CC2D2A: variants seen among roughly 807,000 people sequenced by gnomAD.
The protein encoded by CC2D2A is coiled-coil and C2 domain containing 2A.
In CC2D2A, 155 loss-of-function variants were observed where a neutral mutation model predicts 212.9. That is an observed-to-expected ratio of 0.73 (90% CI 0.64 to 0.83). CC2D2A has a LOEUF of 0.83. Ranked by LOEUF, CC2D2A falls within the 40% of genes least tolerant of loss-of-function variation. CC2D2A has a pLI of 0.00. For synonymous variants in CC2D2A, 667 were observed against 686.5 expected (o/e 0.97, Z 0.44); for missense variants, 1,856 against 1,956.2 (o/e 0.95, Z 0.97).
intron 35 of CC2D2A, 59 bp from the exon 36 acceptor site, chr4:15,599,470 C>G: frequency 8.5e-7 from 1 of 1,170,552 alleles, no homozygotes; most frequent in East Asian, 2.6e-5. Flanking sequence ...ATACTACATA[C>G]ATTTTTTAAC....
chr4:15,586,315 CAT>C, intron 31 of CC2D2A, 69 bp downstream of exon 31: 1 of 955,604 alleles, frequency 1.0e-6, no homozygotes, highest in Non-Finnish European at 1.5e-6. Context: ...AACTGACTTG[CAT>C]AATTTTAAAT....
In CC2D2A at chr4:15,587,872, T is replaced by G; in HGVS notation, c.4122T>G (p.Asn1374Lys). The change falls in exon 32 of 37, where the codon AAT becomes AAG. Residue 1374 changes from asparagine (N) to lysine (K), a missense_variant. This residue lies in a region of CC2D2A where 36 missense variants were observed against 35.5 expected (regional missense o/e 1.02). Coordinates refer to ENST00000424120, the MANE Select transcript of CC2D2A (RefSeq NM_001378615.1). ...AAGAACATGCAGTACTATTGTGTAA[T>G]TACTTTCTGTCTCTGGGTAAGAAGG... ...DEEEHAVLLC[N>K]YFLSLGKKAW... 1 of 1,613,698 alleles carries G rather than the reference T, an allele frequency of 6.2e-7. No individual in the cohort carries two copies. The highest frequency in any genetic ancestry group is 8.5e-7 in the Non-Finnish European group (1 of 1,179,666).
In CC2D2A at chr4:15,584,198, T is replaced by A. The variant is rs961222213; in HGVS notation, c.3976-1959T>A. Among the ~76,000 whole-genome samples the A allele has an allele frequency of 9.2e-5, 14 of 152,012 alleles. No individual in the cohort carries two copies. In the East Asian group the frequency reaches 2.7e-3, roughly 29 times the overall value. On this transcript the variant is annotated intron_variant, in intron 30 of 36. Coordinates refer to ENST00000424120, the MANE Select transcript of CC2D2A (RefSeq NM_001378615.1). ...ATAAGAAAAGATCCCAAATAGCCAA[T>A]GTAACCTTGAGTAAAAAGAACAAAG... is the stretch of plus-strand genomic sequence containing the variant.
chr4:15,578,161 T>G (rs1047990853), intron 29 of CC2D2A, among the ~76,000 whole-genome samples: 3 of 152,228 alleles, frequency 2.0e-5, no homozygotes, highest in Non-Finnish European at 4.4e-5. Flanking sequence ...ATCGTAACTT[T>G]TATTAGGTAG....
intron 33 of CC2D2A, among the ~76,000 whole-genome samples, chr4:15,591,871 T>C (rs1721122627): frequency 6.6e-6 from 1 of 152,230 alleles, no homozygotes; most frequent in Admixed American, 6.5e-5. Context: ...CTAATTCTCA[T>C]AATGCCAAGG....
At chr4:15,546,868 G>A (rs1012726384) in intron 17 of CC2D2A, among the ~76,000 whole-genome samples, 1 of 152,152 alleles carries the variant, frequency 6.6e-6, no homozygotes, top group Non-Finnish European at 1.5e-5. Context: ...AGACAATGAG[G>A]GTTTGAATGA....
At chr4:15,591,056 T>G (rs1250995387) in intron 33 of CC2D2A, among the ~76,000 whole-genome samples, 1 of 152,074 alleles carries the variant, frequency 6.6e-6, no homozygotes, top group African/African-American at 2.4e-5. Context: ...TTTATGTGCT[T>G]CTGTCTATAA....
rs1420064778 is a variant in CC2D2A, at chr4:15,511,280, T to A, written c.574T>A (p.Tyr192Asn). 9 of 1,600,154 alleles carry A rather than the reference T, an allele frequency of 5.6e-6. No homozygotes were observed. Among genetic ancestry groups the A allele is most frequent in the Non-Finnish European group, 5.1e-6 (6 of 1,174,910 alleles). The change falls in exon 8 of 37, where the codon TAT (tyrosine) becomes AAT (asparagine). Residue 192 changes from tyrosine to asparagine, a missense_variant. Around this residue, in one of 5 missense-constraint regions of CC2D2A, gnomAD observed 1,512 missense variants for 1,579.3 expected, o/e 0.96. Transcript: ENST00000424120. ...TGGCTTCCCTTCTGCAGAAGAGGCCTATAACTTCTTTACTTTCAACTTTGA... is the reference window on the plus strand; with the variant it reads ...TGGCTTCCCTTCTGCAGAAGAGGCCAATAACTTCTTTACTTTCAACTTTGA... ...PPGFPSAEEA[Y>N]NFFTFNFDPE...
chr4:15,495,891 A>G (rs761730845), intron 4 of CC2D2A, among the ~76,000 whole-genome samples: 8 of 152,164 alleles, frequency 5.3e-5, no homozygotes, highest in Non-Finnish European at 1.0e-4. Context: ...CTTTGCCAGC[A>G]TCTGTTATTT....
intron 6 of CC2D2A, among the ~76,000 whole-genome samples, chr4:15,506,290 A>C (rs1333446232): frequency 6.6e-6 from 1 of 152,232 alleles, no homozygotes; most frequent in Non-Finnish European, 1.5e-5. Flanking sequence ...ATTACATTAT[A>C]TACTTTTTTA....
rs376969878 is a variant in CC2D2A at position 15,515,957 on chromosome 4, C to T, written c.970C>T (p.Arg324Cys). ...CACCGGGGTAAGACCAGAGGTGGCA[C>T]GCACCAATCAGAACATCATGGAGAA... is the stretch of plus-strand genomic sequence containing the variant. ...LYTGVRPEVA[R>C]TNQNIMENRL... is the part of the protein sequence containing the mutation. Residue 324 changes from arginine (R) to cysteine (C), a missense_variant, in exon 10 of 37, where the codon CGC (arginine) becomes TGC (cysteine). Physicochemically the swap from Arg to Cys is radical, Grantham distance 180 (BLOSUM62 -3). Transcript: ENST00000424120. 5.1e-5 allele frequency: 80 copies of T among 1,580,450 alleles called. No individual in the cohort carries two copies. Among genetic ancestry groups the T allele is most frequent in the Admixed American group, 7.2e-5 (4 of 55,268 alleles).
intron 4 of CC2D2A, among the ~76,000 whole-genome samples, chr4:15,485,354 C>T (rs755255003): frequency 2.0e-5 from 3 of 152,208 alleles, no homozygotes; most frequent in Non-Finnish European, 2.9e-5. Flanking sequence ...GTATATGCAG[C>T]ATGCTTTCTT....
intron 18 of CC2D2A, 74 bp from the exon 19 acceptor site, chr4:15,553,084 A>C: frequency 4.4e-6 from 6 of 1,376,532 alleles, no homozygotes; most frequent in Non-Finnish European, 5.8e-6. Flanking sequence ...TTTGTCTACT[A>C]TCTGCTTTCT....
chr4:15,586,326 A>C, intron 31 of CC2D2A, 80 bp downstream of exon 31: 1 of 819,190 alleles, frequency 1.2e-6, no homozygotes, highest in East Asian at 2.9e-5. Context: ...ATAATTTTAA[A>C]TTGCAACATT....
At chr4:15,493,699 C>T (rs1715447340) in intron 4 of CC2D2A, among the ~76,000 whole-genome samples, 1 of 152,202 alleles carries the variant, frequency 6.6e-6, no homozygotes, top group South Asian at 2.1e-4. Flanking sequence ...TGTGGTCTAT[C>T]TCCCCCACTG....
chr4:15,580,233 C>A, intron 30 of CC2D2A, 62 bp downstream of exon 30: 1 of 1,189,564 alleles, frequency 8.4e-7, no homozygotes, highest in Non-Finnish European at 1.2e-6. Context: ...AATATATTGC[C>A]ATTTTAATTA....
At chr4:15,586,337 C>A in intron 31 of CC2D2A, 91 bp downstream of exon 31, 1 of 731,954 alleles carries the variant, frequency 1.4e-6, no homozygotes, top group Non-Finnish European at 2.1e-6. Flanking sequence ...TTGCAACATT[C>A]ATTAGCCATA....
At chr4:15,525,597 G>A (rs1717465021) in intron 11 of CC2D2A, among the ~76,000 whole-genome samples, 1 of 152,080 alleles carries the variant, frequency 6.6e-6, no homozygotes. Context: ...TCTCTGAAAG[G>A]CCACCCAGGG....
chr4:15,500,095 GTGTGTGTGTGTGTATATATATA>G (rs1417429705), intron 4 of CC2D2A, among the ~76,000 whole-genome samples: 8 of 52,578 alleles, frequency 1.5e-4, no homozygotes, highest in African/African-American at 4.0e-4. Context: ...GTGTGTGTGT[GTGTGTGTGTGTGTATATATATA>G]TATATATATA....
Sources: gnomAD v4.1 joint callset for allele counts (sites outside exome capture counted in the v4.1 genomes callset) on GRCh38, gnomAD v4.1.1 for gene constraint, gnomAD v4.1.1 regional missense constraint, MANE v1.5 for transcripts, NCBI Gene and HGNC (gene_info 2026-07-23, HGNC 2026-07-21) for gene names.